The following ARHGAP8 variants were observed in gnomAD, a reference collection of about 807,000 sequenced individuals.
ARHGAP8 encodes the protein rho GTPase-activating protein 8.
ARHGAP8 carries 62 observed loss-of-function variants against 46.1 expected under a neutral mutation model. That is an observed-to-expected ratio of 1.34 (90% CI 1.10 to 1.66). The LOEUF is 1.66. ARHGAP8 is among the 40% of genes most tolerant of loss of function. The pLI is 0.00. For synonymous variants in ARHGAP8, 375 were observed against 243.1 expected, an observed-to-expected ratio of 1.54 and a Z score of -5.05; for missense variants, 923 against 568.4, an observed-to-expected ratio of 1.62 and a Z score of -6.34.
In ARHGAP8 at chr22:44,859,837, G is replaced by GA. The variant is rs767122080; in HGVS notation, c.981+4dup. 35 of 1,613,084 alleles carry GA rather than the reference G, an allele frequency of 2.2e-5. No individual in the cohort carries two copies. In the East Asian group the frequency reaches 7.4e-4, roughly 34 times the overall value. On this transcript the variant is annotated splice_donor_region_variant and intron_variant, in intron 11 of 11. Coordinates refer to ENST00000356099, the MANE Select transcript of ARHGAP8 (RefSeq NM_181335.3). ...ACCTCATGGGCTTCCTGCATGCGGT[G>GA]AGTGGGGAAGGGGGGAGCTTGGGGT...
At chr22:44,806,048 G>C (rs189288260) in intron 3 of ARHGAP8, among the ~76,000 whole-genome samples, 1 of 152,354 alleles carries the variant, frequency 6.6e-6, no homozygotes, top group African/African-American at 2.4e-5. Flanking sequence ...GAGGCGCCCA[G>C]AGTGGGAAGA....
At chr22:44,787,037 C>CAAAAAAAAAAAAAAAA (rs57241720) in intron 2 of ARHGAP8, among the ~76,000 whole-genome samples, 1 of 119,120 alleles carries the variant, frequency 8.4e-6, no homozygotes, top group African/African-American at 3.1e-5. Flanking sequence ...CTCAAAAAAA[C>CAAAAAAAAAAAAAAAA]AAAAAAAAAA....
intron 1 of ARHGAP8, among the ~76,000 whole-genome samples, chr22:44,778,769 G>A (rs895653640): frequency 6.6e-6 from 1 of 151,990 alleles, no homozygotes; most frequent in Admixed American, 6.6e-5. Flanking sequence ...AGTTTTCTGT[G>A]CCCTGGGACG....
intron 2 of ARHGAP8, among the ~76,000 whole-genome samples, chr22:44,800,353 G>A (rs1293698294): frequency 6.6e-6 from 1 of 151,910 alleles, no homozygotes; most frequent in Non-Finnish European, 1.5e-5. Context: ...TGATCTGCCC[G>A]CCTCGGCCTC....
intron 1 of ARHGAP8, among the ~76,000 whole-genome samples, chr22:44,783,079 C>G (rs1926964332): frequency 6.6e-6 from 1 of 150,826 alleles, no homozygotes; most frequent in African/African-American, 2.4e-5. Flanking sequence ...CTCCCTCCCT[C>G]TGGGCCAGGC....
intron 11 of ARHGAP8, 104 bp downstream of exon 11, chr22:44,859,938 C>A: frequency 7.3e-7 from 1 of 1,363,146 alleles, no homozygotes; most frequent in Non-Finnish European, 9.9e-7. Flanking sequence ...TGGGGTCATG[C>A]CCTGCTTGGG....
At chr22:44,847,486 A>T (rs2069986552) in intron 8 of ARHGAP8, among the ~76,000 whole-genome samples, 1 of 152,170 alleles carries the variant, frequency 6.6e-6, no homozygotes, top group Non-Finnish European at 1.5e-5. Flanking sequence ...ATTTTATTTA[A>T]TTTTAATTAA....
chr22:44,833,293 C>G (rs1425886701), intron 7 of ARHGAP8, among the ~76,000 whole-genome samples: 1 of 151,876 alleles, frequency 6.6e-6, no homozygotes, highest in Non-Finnish European at 1.5e-5. Flanking sequence ...GAGACAGGGT[C>G]TCACTATGTT....
chr22:44,855,597 T>C (rs2070201058), intron 10 of ARHGAP8, among the ~76,000 whole-genome samples: 1 of 152,242 alleles, frequency 6.6e-6, no homozygotes, highest in African/African-American at 2.4e-5. Context: ...TGTTTCCAAA[T>C]AGTCCTTTTA....
At chr22:44,771,862 A>T (rs1027515287) in intron 1 of ARHGAP8, among the ~76,000 whole-genome samples, 3 of 152,122 alleles carry the variant, frequency 2.0e-5, no homozygotes, top group Non-Finnish European at 4.4e-5. Context: ...GCCTGCAAAT[A>T]AATTTTTATT....
At chr22:44,777,772 T>G (rs1413637361) in intron 1 of ARHGAP8, among the ~76,000 whole-genome samples, 1 of 152,134 alleles carries the variant, frequency 6.6e-6, no homozygotes, top group Non-Finnish European at 1.5e-5. Flanking sequence ...CTTGGCTCAC[T>G]GCAACCTCCG....
chr22:44,842,575 G>A (rs1467081568), intron 7 of ARHGAP8, among the ~76,000 whole-genome samples: 1 of 152,166 alleles, frequency 6.6e-6, no homozygotes, highest in Non-Finnish European at 1.5e-5. Flanking sequence ...CAGGCAGGTG[G>A]GGCTGGTGGC....
intron 10 of ARHGAP8, among the ~76,000 whole-genome samples, chr22:44,858,365 G>A (rs1430829746): frequency 1.8e-5 from 2 of 111,962 alleles, no homozygotes; most frequent in African/African-American, 6.5e-5. Flanking sequence ...GTTGGTTGGT[G>A]GTGGTTTTTT....
Position 44,862,492 on chromosome 22 carries a change from G to A in ARHGAP8, c.1199G>A (p.Arg400Lys), listed in dbSNP as rs778473188. 4 of 1,613,494 alleles carry A rather than the reference G, an allele frequency of 2.5e-6. No homozygotes were observed. Among genetic ancestry groups the A allele is most frequent in the East Asian group, 2.2e-5 (1 of 44,884 alleles). The change falls in exon 12 of 12, where the codon AGG becomes AAG. Residue 400 changes from arginine to lysine, a missense_variant. Coordinates refer to ENST00000356099, the MANE Select transcript of ARHGAP8 (RefSeq NM_181335.3). ...HGLAPWEQGSRAAPLQEAVPR... is the reference protein window; with the variant it reads ...HGLAPWEQGSKAAPLQEAVPR... ...CTGGCACCATGGGAACAGGGGAGCA[G>A]GGCAGCCCCTTTGCAGGAGGCTGTG...
At chr22:44,809,134 T>A (rs1298861258) in intron 4 of ARHGAP8, 1 of 470,940 alleles carries the variant, frequency 2.1e-6, no homozygotes, top group Non-Finnish European at 4.4e-6. Flanking sequence ...ACTCTTGTTC[T>A]TAAAGGGCCA....
chr22:44,830,297 T>G lies in ARHGAP8; in HGVS notation c.596+4704T>G, dbSNP rs571780226. 7.9e-5 allele frequency among the ~76,000 whole-genome samples: 12 copies of G among 152,146 alleles called. No individual in the cohort carries two copies. The South Asian group carries it at 2.5e-3, about 32-fold the overall frequency. ...CCTCAGCTTCCCAAAGTGCTGTGAT[T>G]ACAGGCGTGAGCCACTGCACCCGGC... On this transcript the variant is annotated intron_variant, in intron 7 of 11. Coordinates refer to ENST00000356099, the MANE Select transcript of ARHGAP8 (RefSeq NM_181335.3).
chr22:44,860,678 C>A (rs914846809), intron 11 of ARHGAP8, among the ~76,000 whole-genome samples: 1 of 152,178 alleles, frequency 6.6e-6, no homozygotes, highest in Non-Finnish European at 1.5e-5. Context: ...GAGAGAAACC[C>A]TTCAGTGCTC....
chr22:44,840,636 G>A (rs1450316838), intron 7 of ARHGAP8, among the ~76,000 whole-genome samples: 5 of 152,186 alleles, frequency 3.3e-5, no homozygotes, highest in African/African-American at 1.2e-4. Context: ...ACTGTAGCTC[G>A]CTGGGCCCGT....
rs146843997 is a variant in ARHGAP8 at position 44,818,353 on chromosome 22, G to T, written c.386+3595G>T. On this transcript the variant is annotated intron_variant, in intron 5 of 11. Coordinates refer to ENST00000356099, the MANE Select transcript of ARHGAP8 (RefSeq NM_181335.3). The stretch of plus-strand genomic sequence containing the variant: ...AATCTCAGCTACTTGGGAGGCTGAC[G>T]CAGGAGAATCACTTGAATCCAGGAG... Among the ~76,000 whole-genome samples, 764 of 150,686 alleles carry T rather than the reference G, an allele frequency of 5.1e-3. 6 individuals carry two copies. Among genetic ancestry groups the T allele is most frequent in the Admixed American group, 7.4e-3 (112 of 15,106 alleles).
Sources: gnomAD v4.1 joint callset for allele counts (sites outside exome capture counted in the v4.1 genomes callset) on GRCh38, gnomAD v4.1.1 for gene constraint, MANE v1.5 for transcripts, NCBI Gene and HGNC (gene_info 2026-07-23, HGNC 2026-07-21) for gene names.